The following SGCD variants were observed in gnomAD, a reference collection of about 807,000 sequenced individuals.
SGCD encodes the protein delta-sarcoglycan.
Under a neutral mutation model 36.6 loss-of-function variants are expected in SGCD, and 18 were observed. The observed-to-expected ratio is 0.49, with a 90% CI of 0.34 to 0.73. The LOEUF is 0.73. SGCD is among the 30% of genes least tolerant of loss of function. SGCD has a pLI of 0.01. For missense variants in SGCD, 387 were observed against 346.7 expected, an observed-to-expected ratio of 1.12 and a Z score of -0.92; for synonymous variants, 133 against 130.6, an observed-to-expected ratio of 1.02 and a Z score of -0.12.
intron 3 of SGCD, among the ~76,000 whole-genome samples, chr5:156,463,044 C>T (rs1754555246): frequency 6.6e-6 from 1 of 152,164 alleles, no homozygotes; most frequent in African/African-American, 2.4e-5. Flanking sequence ...AAACTCTTCC[C>T]TCAATTTGGA....
At chr5:156,380,429 T>C (rs1770918516) in intron 3 of SGCD, among the ~76,000 whole-genome samples, 1 of 152,216 alleles carries the variant, frequency 6.6e-6, no homozygotes, top group Non-Finnish European at 1.5e-5. Flanking sequence ...CTAGGCAGAA[T>C]TTACAAAAGC....
chr5:156,462,768 A>G, intron 3 of SGCD, among the ~76,000 whole-genome samples: 1 of 152,168 alleles, frequency 6.6e-6, no homozygotes, highest in East Asian at 1.9e-4. Flanking sequence ...ATGGATTTAC[A>G]TTAGGTTGGT....
chr5:155,812,365 G>A, the SGCD span, among the ~76,000 whole-genome samples: 2 of 152,156 alleles, frequency 1.3e-5, no homozygotes, highest in African/African-American at 4.8e-5. Context: ...CTCCGCAGAG[G>A]GAAGCACATC....
rs1303288833 is a variant in SGCD, at chr5:156,767,498, A to C, written c.*8108A>C. 4 of 151,744 alleles carry C rather than the reference A, an allele frequency of 2.6e-5. No individual in the cohort carries two copies. Among genetic ancestry groups the C allele is most frequent in the African/African-American group, 9.7e-5 (4 of 41,336 alleles). 9.4% of individuals were successfully genotyped at this position (151,744 alleles called of 1,614,324 possible). On this transcript the variant is annotated 3_prime_UTR_variant, in exon 9 of 9. Coordinates refer to ENST00000337851, the MANE Select transcript of SGCD (RefSeq NM_000337.6). ...TTGGAGATTTTGAAAAAAAAAAAAA[A>C]AAAAAACCCATTCCCATAAAGTAAT...
intron 1 of SGCD, among the ~76,000 whole-genome samples, chr5:156,106,696 C>A (rs1761656826): frequency 6.6e-6 from 1 of 152,124 alleles, no homozygotes; most frequent in African/African-American, 2.4e-5. Context: ...GATTTCAGAG[C>A]TTGTTAGAAT....
At chr5:155,971,181 T>A (rs565551610) in intron 1 of SGCD, among the ~76,000 whole-genome samples, 25 of 152,206 alleles carry the variant, frequency 1.6e-4, no homozygotes, top group Non-Finnish European at 3.1e-4. Flanking sequence ...TTGGTTTTTA[T>A]AACTTCTATA....
At chr5:155,806,267 G>A in the SGCD span, among the ~76,000 whole-genome samples, 1 of 152,144 alleles carries the variant, frequency 6.6e-6, no homozygotes, top group African/African-American at 2.4e-5. Context: ...CGATTCTCCT[G>A]CCTTAGCCTC....
chr5:156,239,569 A>T (rs1765255583), intron 3 of SGCD, among the ~76,000 whole-genome samples: 1 of 152,158 alleles, frequency 6.6e-6, no homozygotes, highest in African/African-American at 2.4e-5. Flanking sequence ...ATGAAAATAG[A>T]TTTTCTACAT....
intron 3 of SGCD, among the ~76,000 whole-genome samples, chr5:156,209,299 T>C (rs1219498329): frequency 2.6e-5 from 4 of 152,114 alleles, no homozygotes; most frequent in African/African-American, 9.7e-5. Context: ...GCACCAGGTT[T>C]CAGGCCTGCT....
At chr5:156,376,298 A>T (rs541667507) in intron 3 of SGCD, among the ~76,000 whole-genome samples, 10 of 152,316 alleles carry the variant, frequency 6.6e-5, no homozygotes, top group Non-Finnish European at 1.2e-4. Context: ...GGAAATTTGT[A>T]TGGGACTAGC....
chr5:156,204,674 T>C (rs1764231652), intron 3 of SGCD, among the ~76,000 whole-genome samples: 1 of 152,056 alleles, frequency 6.6e-6, no homozygotes, highest in Non-Finnish European at 1.5e-5. Flanking sequence ...TCTCATGAAA[T>C]TGTTGTGAGG....
chr5:156,393,180 C>A (rs1192855840), intron 3 of SGCD, among the ~76,000 whole-genome samples: 1 of 152,142 alleles, frequency 6.6e-6, no homozygotes, highest in Non-Finnish European at 1.5e-5. Flanking sequence ...GAGACAGGGA[C>A]AGGACGGACA....
At chr5:156,619,023 CTTT>C (rs536840593) in intron 6 of SGCD, among the ~76,000 whole-genome samples, 1 of 141,414 alleles carries the variant, frequency 7.1e-6, no homozygotes. Context: ...GAGCCAATTC[CTTT>C]TTTTTTTTTT....
At chr5:155,757,370 C>A in the SGCD span, among the ~76,000 whole-genome samples, 1 of 152,092 alleles carries the variant, frequency 6.6e-6, no homozygotes, top group African/African-American at 2.4e-5. Context: ...CAATATTTTA[C>A]CCATCTTTGT....
At chr5:155,807,315 C>T in the SGCD span, among the ~76,000 whole-genome samples, 1 of 152,320 alleles carries the variant, frequency 6.6e-6, no homozygotes, top group East Asian at 1.9e-4. Context: ...ATCATCCTTT[C>T]CTTTGGTTGG....
At chr5:156,286,425 A>T (rs987288164) in intron 3 of SGCD, among the ~76,000 whole-genome samples, 1 of 152,232 alleles carries the variant, frequency 6.6e-6, no homozygotes, top group Non-Finnish European at 1.5e-5. Context: ...GAACCACCCC[A>T]AATGTCCAAC....
At chr5:156,036,399 C>T (rs1287945723) in intron 1 of SGCD, among the ~76,000 whole-genome samples, 1 of 152,174 alleles carries the variant, frequency 6.6e-6, no homozygotes, top group Non-Finnish European at 1.5e-5. Context: ...GTCCTGTAAG[C>T]ATGACTCTAT....
chr5:156,182,032 C>T (rs57906039), intron 3 of SGCD, among the ~76,000 whole-genome samples: 38,016 of 152,024 alleles, frequency 0.25, 5,166 homozygotes, highest in East Asian at 0.57. Context: ...GATTTCTTGA[C>T]CTTTGCTATT....
intron 1 of SGCD, among the ~76,000 whole-genome samples, chr5:155,997,094 T>C (rs902763452): frequency 6.6e-6 from 1 of 152,240 alleles, no homozygotes; most frequent in African/African-American, 2.4e-5. Flanking sequence ...AGAAATTGTG[T>C]GAGAAGACTG....
Sources: gnomAD v4.1 joint callset for allele counts (sites outside exome capture counted in the v4.1 genomes callset) on GRCh38, gnomAD v4.1.1 for gene constraint, MANE v1.5 for transcripts, NCBI Gene and HGNC (gene_info 2026-07-23, HGNC 2026-07-21) for gene names.